CYP19A1: variants seen among roughly 807,000 people sequenced by gnomAD.
CYP19A1 encodes aromatase.
A neutral mutation model predicts 44.4 loss-of-function variants in CYP19A1; 32 were observed. The ratio of observed to expected loss-of-function variants is 0.72; its 90% CI spans 0.54 to 0.97. The LOEUF (loss-of-function observed/expected upper bound fraction) is 0.97. Ranked by LOEUF, CYP19A1 falls within the 50% of genes least tolerant of loss-of-function variation. The pLI, the probability that CYP19A1 is intolerant of heterozygous loss-of-function variation, is 0.00. For synonymous variants in CYP19A1, 212 were observed against 215.6 expected (o/e 0.98, Z 0.14); for missense variants, 598 against 637.8 (o/e 0.94, Z 0.67).
At chr15:51,312,129 C>T (rs570698833) in intron 1 of CYP19A1, 1 of 152,292 alleles carries the variant, frequency 6.6e-6, no homozygotes, top group East Asian at 1.9e-4. Flanking sequence ...GTCAGCTTTC[C>T]CAGCAGCTTC....
At chr15:51,263,973 C>A (rs2034824298) in intron 1 of CYP19A1, among the ~76,000 whole-genome samples, 1 of 152,188 alleles carries the variant, frequency 6.6e-6, no homozygotes. Flanking sequence ...ATGAGTAAAT[C>A]TGGGAACAAC....
rs1310797589 is a variant in CYP19A1 at position 51,288,664 on chromosome 15, C to A, written c.-38-45714G>T. ...TTGCTTTTTCCTAAAAATCAGAGTC[C>A]AGATCTGACCTTCTGGCCCCACAAG... On this transcript the variant is annotated intron_variant, in intron 1 of 9. Transcript: ENST00000396402. Among the ~76,000 whole-genome samples the A allele has an allele frequency of 1.1e-4, 16 of 152,160 alleles. 1 individual carries two copies. Among genetic ancestry groups the A allele is most frequent in the Admixed American group, 9.8e-4 (15 of 15,274 alleles).
At chr15:51,336,888 C>A (rs555385636) in intron 1 of CYP19A1, among the ~76,000 whole-genome samples, 1 of 146,678 alleles carries the variant, frequency 6.8e-6, no homozygotes, top group Non-Finnish European at 1.5e-5. Context: ...CCTGTGTCAA[C>A]AAAACAGGCC....
intron 1 of CYP19A1, among the ~76,000 whole-genome samples, chr15:51,313,529 G>T (rs1016861083): frequency 1.3e-5 from 2 of 152,212 alleles, no homozygotes; most frequent in African/African-American, 4.8e-5. Context: ...AGGCACAGTG[G>T]CTCATGCCTG....
chr15:51,249,121 G>T (rs1207671868), intron 1 of CYP19A1, among the ~76,000 whole-genome samples: 1 of 151,890 alleles, frequency 6.6e-6, no homozygotes, highest in Non-Finnish European at 1.5e-5. Flanking sequence ...TGTATTTTTA[G>T]TAGAGACAGA....
intron 1 of CYP19A1, among the ~76,000 whole-genome samples, chr15:51,251,706 A>G (rs1374549169): frequency 6.6e-6 from 1 of 152,236 alleles, no homozygotes; most frequent in Non-Finnish European, 1.5e-5. Flanking sequence ...CCAAATGCCA[A>G]GTCCCAGCAA....
intron 4 of CYP19A1, among the ~76,000 whole-genome samples, chr15:51,225,204 T>C (rs1250532329): frequency 2.0e-5 from 3 of 152,176 alleles, no homozygotes; most frequent in African/African-American, 7.2e-5. Context: ...TTGTTTGTCA[T>C]TGTATCTTGG....
At chr15:51,304,890 CTTTTTTTTTTTTTTTT>C in intron 1 of CYP19A1, among the ~76,000 whole-genome samples, 1 of 104,580 alleles carries the variant, frequency 9.6e-6, no homozygotes, top group African/African-American at 4.8e-5. Flanking sequence ...GTGTCTCTTC[CTTTTTTTTTTTTTTTT>C]TTTTTTTTTT....
chr15:51,328,139 A>G (rs147238206), intron 1 of CYP19A1, among the ~76,000 whole-genome samples: 4 of 152,342 alleles, frequency 2.6e-5, no homozygotes, highest in African/African-American at 7.2e-5. Context: ...TGATTTTCCA[A>G]AATGGTGAAC....
At chr15:51,283,700 G>A (rs142793536) in intron 1 of CYP19A1, among the ~76,000 whole-genome samples, 2 of 152,346 alleles carry the variant, frequency 1.3e-5, no homozygotes, top group East Asian at 1.9e-4. Context: ...AAGCCCTGGT[G>A]TATGCCCCCA....
At position 51,212,551 on chromosome 15, in the gene CYP19A1, G is replaced by C; in HGVS notation, c.1032C>G (p.Asp344Glu). 1 of 1,482,654 alleles carries C rather than the reference G, an allele frequency of 6.7e-7. No homozygotes were observed. Among genetic ancestry groups the C allele is most frequent in the Non-Finnish European group, 9.4e-7 (1 of 1,060,034 alleles). 91.8% of individuals were successfully genotyped at this position (1,482,654 alleles called of 1,614,324 possible). A position where few individuals can be genotyped will look rare whatever the true frequency, so the allele number is the denominator to read the frequency against. Residue 344 changes from aspartate (D) to glutamate (E), a missense_variant, in exon 9 of 10, where the codon GAC (aspartate) becomes GAG (glutamate). Asp to Glu is a conservative substitution (Grantham distance 45). Transcript: ENST00000396402. ...KEIQTVIGER[D>E]IKIDDIQKLK... ...ATTTTTGTATATCATCAATCTTTAT[G>C]TCTCTCTCACCTGTGGAAACAGATA...
chr15:51,230,739 C>T (rs1444050992), intron 3 of CYP19A1, among the ~76,000 whole-genome samples: 1 of 151,780 alleles, frequency 6.6e-6, no homozygotes, highest in African/African-American at 2.4e-5. Flanking sequence ...GTGCCACAGC[C>T]CCCTGAGTAG....
Position 51,208,549 on chromosome 15 carries a change from A to AT in CYP19A1, c.*2258_*2259insA, listed in dbSNP as rs3217422. ...ATTCTGAAGATAATAGAATTTTCAA[A>AT]ATGTGTTCATCAGCCTACTGAAAAG... On this transcript the variant is annotated 3_prime_UTR_variant, in exon 10 of 10. Coordinates refer to ENST00000396402, the MANE Select transcript of CYP19A1 (RefSeq NM_000103.4). 69,649 of 151,922 alleles carry AT rather than the reference A, an allele frequency of 0.46. 16,488 individuals are homozygous for AT. The highest frequency in any genetic ancestry group is 0.53 in the Non-Finnish European group (35,833 of 67,918). The allele number at this position is 151,922 out of a possible 1,614,324, so 9.4% of individuals were successfully genotyped here. A position where few individuals can be genotyped will look rare whatever the true frequency, so the allele number is the denominator to read the frequency against.
At position 51,284,743 on chromosome 15, in the gene CYP19A1, G is replaced by C. The variant is rs970842068; in HGVS notation, c.-38-41793C>G. 2.6e-5 allele frequency among the ~76,000 whole-genome samples: 4 copies of C among 152,280 alleles called. 1 individual carries two copies. Among genetic ancestry groups the C allele is most frequent in the African/African-American group, 9.6e-5 (4 of 41,568 alleles). On this transcript the variant is annotated intron_variant, in intron 1 of 9. Coordinates refer to ENST00000396402, the MANE Select transcript of CYP19A1 (RefSeq NM_000103.4). ...AACAGGACAAAAGGAAAATAAAAAG[G>C]CTGGACAAGATACATGGTGGAGGAA...
At chr15:51,291,410 T>C (rs1485319091) in intron 1 of CYP19A1, among the ~76,000 whole-genome samples, 1 of 152,050 alleles carries the variant, frequency 6.6e-6, no homozygotes, top group Admixed American at 6.6e-5. Flanking sequence ...AGAGGGGAAA[T>C]GTTCATGCTA....
At chr15:51,294,424 A>C (rs1417229120) in intron 1 of CYP19A1, among the ~76,000 whole-genome samples, 1 of 118,110 alleles carries the variant, frequency 8.5e-6, no homozygotes, top group African/African-American at 3.4e-5. Context: ...AAGTGAGGAG[A>C]CCCTCCGCCT....
intron 1 of CYP19A1, among the ~76,000 whole-genome samples, chr15:51,267,474 C>T (rs988311592): frequency 2.0e-5 from 3 of 152,180 alleles, no homozygotes; most frequent in African/African-American, 7.2e-5. Flanking sequence ...AAAGGCCGAC[C>T]CTCACAGGCG....
At chr15:51,304,978 G>C (rs190650763) in intron 1 of CYP19A1, among the ~76,000 whole-genome samples, 4 of 143,758 alleles carry the variant, frequency 2.8e-5, no homozygotes, top group African/African-American at 1.1e-4. Context: ...TGGCTTACTG[G>C]AACCTCCGCC....
At chr15:51,298,448 T>C (rs2036044337) in intron 1 of CYP19A1, among the ~76,000 whole-genome samples, 1 of 152,228 alleles carries the variant, frequency 6.6e-6, no homozygotes, top group Non-Finnish European at 1.5e-5. Context: ...GGAAAGAGCA[T>C]TCACATAGGA....
Sources: allele counts gnomAD v4.1 joint callset (sites outside exome capture counted in the v4.1 genomes callset), GRCh38; gene constraint gnomAD v4.1.1; transcripts MANE v1.5; gene names NCBI Gene and HGNC (gene_info 2026-07-23, HGNC 2026-07-21).